The following ADAM11 variants were observed in gnomAD, a reference collection of about 807,000 sequenced individuals.
ADAM11 encodes ADAM metallopeptidase domain 11.
ADAM11 carries 49 observed loss-of-function variants against 119.1 expected under a neutral mutation model. The ratio of observed to expected loss-of-function variants is 0.41; its 90% CI spans 0.33 to 0.52. ADAM11 has a LOEUF of 0.52. ADAM11 is among the 20% of genes least tolerant of loss of function. The pLI is 0.20. For synonymous variants in ADAM11, 364 were observed against 408.0 expected (o/e 0.89, Z 1.30); for missense variants, 777 against 1,047.5 (o/e 0.74, Z 3.56).
chr17:44,776,663 G>C lies in ADAM11; in HGVS notation c.1567-82G>C. The C allele has an allele frequency of 3.9e-6, 6 of 1,526,226 alleles. No individual in the cohort carries two copies. The South Asian group carries it at 7.0e-5, about 18-fold the overall frequency. The allele number at this position is 1,526,226 out of a possible 1,614,324, so 94.5% of individuals were successfully genotyped here. ...CATGAGCCCCCAATGGGGGGCACTT[G>C]GTACCCCAGCATTCCTCCCTGGGGC... On this transcript the variant is annotated intron_variant, in intron 18 of 26. Transcript: ENST00000200557. The surrounding 1 kb of genome is among the most constrained non-coding windows in gnomAD (Gnocchi z 5.2).
In ADAM11 at chr17:44,772,590, G is replaced by A; in HGVS notation, c.678+124G>A. 1 of 1,279,552 alleles carries A rather than the reference G, an allele frequency of 7.8e-7. No individual in the cohort carries two copies. The highest frequency in any genetic ancestry group is 1.4e-5 in the South Asian group (1 of 69,798). The allele number at this position is 1,279,552 out of a possible 1,614,324, so 79.3% of individuals were successfully genotyped here. On this transcript the variant is annotated intron_variant, in intron 8 of 26. Coordinates refer to ENST00000200557, the MANE Select transcript of ADAM11 (RefSeq NM_002390.6). This position sits in a 1 kb window ranked among gnomAD's most constrained non-coding sequence, Gnocchi z 4.5. ...GGGGCGAAGGAAGGCTCAGATGGATGTGGCTGGGGGCCAGGGACCGTGTCT... is the reference window on the plus strand; with the variant it reads ...GGGGCGAAGGAAGGCTCAGATGGATATGGCTGGGGGCCAGGGACCGTGTCT...
At chr17:44,762,291 G>C (rs952626488) in intron 2 of ADAM11, among the ~76,000 whole-genome samples, 1 of 152,184 alleles carries the variant, frequency 6.6e-6, no homozygotes, top group Non-Finnish European at 1.5e-5. Context: ...TTGGGTCCAG[G>C]AGGCAGTCTC....
Position 44,772,142 on chromosome 17 carries a change from G to A in ADAM11, c.544-125G>A. The A allele has an allele frequency of 4.3e-6, 4 of 936,592 alleles. No individual in the cohort carries two copies. The South Asian group carries it at 4.9e-5, about 12-fold the overall frequency. The allele number at this position is 936,592 out of a possible 1,614,324, so 58.0% of individuals were successfully genotyped here. A position where few individuals can be genotyped will look rare whatever the true frequency, so the allele number is the denominator to read the frequency against. Reference sequence around the variant, plus strand: ...CATCTGGGAGATCAGATCCGACATGGGAGCTGTGGCCAGTTCTGGGTCACC... The same window carrying A: ...CATCTGGGAGATCAGATCCGACATGAGAGCTGTGGCCAGTTCTGGGTCACC... On this transcript the variant is annotated intron_variant, in intron 6 of 26. Transcript: ENST00000200557. This position sits in a 1 kb window ranked among gnomAD's most constrained non-coding sequence, Gnocchi z 4.5.
In ADAM11 at chr17:44,774,713, C is replaced by T. The variant is rs975618671; in HGVS notation, c.1184C>T (p.Pro395Leu). The change falls in exon 14 of 27, where the codon CCA (proline) becomes CTA (leucine). Residue 395 changes from proline to leucine, a missense_variant. This residue lies in a region of ADAM11 where 147 missense variants were observed against 223.3 expected (regional missense o/e 0.66). Coordinates refer to ENST00000200557, the MANE Select transcript of ADAM11 (RefSeq NM_002390.6). ...HRSSAGDCKC[P>L]DIWLGCIMED... Reference sequence around the variant, plus strand: ...CACCCCTCAGGGGACTGCAAGTGTCCAGACATCTGGCTGGGCTGCATCATG... The same window carrying T: ...CACCCCTCAGGGGACTGCAAGTGTCTAGACATCTGGCTGGGCTGCATCATG... 6.3e-6 allele frequency: 10 copies of T among 1,589,868 alleles called. No individual in the cohort carries two copies. The highest frequency in any genetic ancestry group is 1.4e-5 in the African/African-American group (1 of 73,380).
At chr17:44,759,920 G>A in intron 2 of ADAM11, 23 bp downstream of exon 2, 8 of 1,268,692 alleles carry the variant, frequency 6.3e-6, no homozygotes, top group Non-Finnish European at 7.0e-6. Context: ...GGGTGGTGAG[G>A]CCAGGGGCTG....
chr17:44,759,327 T>C, intron 1 of ADAM11, 67 bp downstream of exon 1: 1 of 1,329,770 alleles, frequency 7.5e-7, no homozygotes, highest in Non-Finnish European at 9.6e-7. Flanking sequence ...CGGCGCTTGC[T>C]GCTGCAGCCA....
At chr17:44,764,388 C>G (rs1052456464) in intron 2 of ADAM11, among the ~76,000 whole-genome samples, 1 of 152,216 alleles carries the variant, frequency 6.6e-6, no homozygotes, top group Admixed American at 6.5e-5. Context: ...CATGGTGCCA[C>G]AGGGGGGCCA....
rs769370337 is a variant in ADAM11 at position 44,777,515 on chromosome 17, C to T, written c.1815C>T (p.Asn605=). The change falls in exon 22 of 27, where the codon AAC becomes AAT. Residue 605 remains asparagine, a synonymous_variant. Transcript: ENST00000200557. The surrounding 1 kb of genome is among the most constrained non-coding windows in gnomAD (Gnocchi z 5.1). ...TGTGTGGCTTCCTCCTCTGTGTCAA[C>T]ATCTCTGGAGCTCCTCGGCTAGGGG... The part of the protein sequence containing the change: ...DVLCGFLLCV[N]ISGAPRLGDL... 6.2e-7 allele frequency: 1 copy of T among 1,614,210 alleles called. No individual in the cohort carries two copies. The highest frequency in any genetic ancestry group is 8.5e-7 in the Non-Finnish European group (1 of 1,180,030).
At chr17:44,779,029 G>A (rs1485195396) in intron 25 of ADAM11, among the ~76,000 whole-genome samples, 193 bp from the exon 26 acceptor site, 1 of 152,214 alleles carries the variant, frequency 6.6e-6, no homozygotes, top group Admixed American at 6.5e-5. Context: ...CAGAGTCAGA[G>A]CTGGAACCGG....
rs577812088 is a variant in ADAM11, at chr17:44,772,982, C to T, written c.754-32C>T. 5 of 1,613,946 alleles carry T rather than the reference C, an allele frequency of 3.1e-6. No individual in the cohort carries two copies. The South Asian group carries it at 5.5e-5, about 18-fold the overall frequency. On this transcript the variant is annotated intron_variant, in intron 9 of 26. Transcript: ENST00000200557. The surrounding 1 kb of genome is among the most constrained non-coding windows in gnomAD (Gnocchi z 4.5). ...GTGACACTGGGAGGCCCCTGAGGAGCCTGGCCCTCCTCCCATTCTTCTCTC... is the reference window on the plus strand; with the variant it reads ...GTGACACTGGGAGGCCCCTGAGGAGTCTGGCCCTCCTCCCATTCTTCTCTC...
Position 44,776,225 on chromosome 17 carries a change from G to T in ADAM11, c.1566+18G>T. 1 of 1,612,660 alleles carries T rather than the reference G, an allele frequency of 6.2e-7. No homozygotes were observed. Among genetic ancestry groups the T allele is most frequent in the Non-Finnish European group, 8.5e-7 (1 of 1,179,634 alleles). ...CTAGCCAGGTCCGCCCGGCCCCGCCGTCTTGTGGAGCCCTGGGCGAGGCAA... is the reference window on the plus strand; with the variant it reads ...CTAGCCAGGTCCGCCCGGCCCCGCCTTCTTGTGGAGCCCTGGGCGAGGCAA... On this transcript the variant is annotated intron_variant, in intron 18 of 26. Coordinates refer to ENST00000200557, the MANE Select transcript of ADAM11 (RefSeq NM_002390.6). This position sits in a 1 kb window ranked among gnomAD's most constrained non-coding sequence, Gnocchi z 5.2.
Position 44,780,144 on chromosome 17 carries a change from T to A in ADAM11, c.*390T>A, listed in dbSNP as rs937165528. The A allele has an allele frequency of 3.4e-6, 2 of 596,934 alleles. No homozygotes were observed. The highest frequency in any genetic ancestry group is 6.3e-6 in the Non-Finnish European group (2 of 316,882). The allele number at this position is 596,934 out of a possible 1,614,324, so 37.0% of individuals were successfully genotyped here. The stretch of plus-strand genomic sequence containing the variant: ...TGCAACCAGGCAGCTGAGACCAGGG[T>A]CTTACCTCTCTGGGACCTAGGGGGA... On this transcript the variant is annotated 3_prime_UTR_variant, in exon 27 of 27. Transcript: ENST00000200557.
intron 25 of ADAM11, among the ~76,000 whole-genome samples, 170 bp downstream of exon 25, chr17:44,778,412 C>T (rs1286521620): frequency 2.0e-5 from 3 of 152,110 alleles, no homozygotes; most frequent in Non-Finnish European, 4.4e-5. Context: ...AGATTTTAGG[C>T]TAGATGAGGT....
rs763177410 is a variant in ADAM11, at chr17:44,769,842, G to A, written c.314+48G>A. 2.5e-6 allele frequency: 4 copies of A among 1,598,250 alleles called. No homozygotes were observed. The South Asian group carries it at 4.4e-5, about 18-fold the overall frequency. Reference sequence around the variant, plus strand: ...GAGGAAGGGCAGTGGTGGGGCGGGGGAGACATGGCTAGGGCCTGGCTGCTG... The same window carrying A: ...GAGGAAGGGCAGTGGTGGGGCGGGGAAGACATGGCTAGGGCCTGGCTGCTG... On this transcript the variant is annotated intron_variant, in intron 3 of 26. Transcript: ENST00000200557.
Position 44,778,029 on chromosome 17 carries a change from C to T in ADAM11, c.2148C>T (p.Pro716=). 6.2e-7 allele frequency: 1 copy of T among 1,613,844 alleles called. No individual in the cohort carries two copies. ...ACTGCAGTATCCATAACCCCCTGCC[C>T]ACGTCCCCACCCACGGGGGAGACGG... The part of the protein sequence containing the change: ...GKDCSIHNPL[P]TSPPTGETER... Residue 716 remains proline, a synonymous_variant, in exon 24 of 27, where the codon CCC becomes CCT. Transcript: ENST00000200557.
At chr17:44,774,677 T>G in intron 13 of ADAM11, 21 bp from the exon 14 acceptor site, 1 of 1,591,312 alleles carries the variant, frequency 6.3e-7, no homozygotes, top group Non-Finnish European at 8.6e-7. Flanking sequence ...CTCCCTCATA[T>G]CCGCCTGGCT....
Position 44,772,600 on chromosome 17 carries a change from GC to G in ADAM11, c.678+136del. 8.2e-7 allele frequency: 1 copy of G among 1,225,498 alleles called. No homozygotes were observed. The highest frequency in any genetic ancestry group is 1.1e-6 in the Non-Finnish European group (1 of 882,222). The allele number at this position is 1,225,498 out of a possible 1,614,324, so 75.9% of individuals were successfully genotyped here. ...AAGGCTCAGATGGATGTGGCTGGGG[GC>G]CAGGGACCGTGTCTGGGAGAAGCCC... On this transcript the variant is annotated intron_variant, in intron 8 of 26. Coordinates refer to ENST00000200557, the MANE Select transcript of ADAM11 (RefSeq NM_002390.6). This position sits in a 1 kb window ranked among gnomAD's most constrained non-coding sequence, Gnocchi z 4.5.
In ADAM11 at chr17:44,772,770, C is replaced by A; in HGVS notation, c.679-87C>A. On this transcript the variant is annotated intron_variant, in intron 8 of 26. Coordinates refer to ENST00000200557, the MANE Select transcript of ADAM11 (RefSeq NM_002390.6). The surrounding 1 kb of genome is among the most constrained non-coding windows in gnomAD (Gnocchi z 4.5). ...GTCCCTGGCTGGAGTCCAGACCCCC[C>A]CATCCCCACCGAGTCTGTTCCTGGC... is the stretch of plus-strand genomic sequence containing the variant. The A allele has an allele frequency of 8.2e-7, 1 of 1,226,462 alleles. No homozygotes were observed. The highest frequency in any genetic ancestry group is 1.2e-6 in the Non-Finnish European group (1 of 846,682). 76.0% of individuals were successfully genotyped at this position (1,226,462 alleles called of 1,614,324 possible). A position where few individuals can be genotyped will look rare whatever the true frequency, so the allele number is the denominator to read the frequency against.
intron 2 of ADAM11, among the ~76,000 whole-genome samples, chr17:44,763,694 G>A (rs1176391006): frequency 6.6e-6 from 1 of 151,960 alleles, no homozygotes; most frequent in East Asian, 1.9e-4. Context: ...CATGCGTTCT[G>A]ACTTGCAGGG....
Sources: gnomAD v4.1 joint callset for allele counts (sites outside exome capture counted in the v4.1 genomes callset) on GRCh38, gnomAD v4.1.1 for gene constraint, gnomAD v4.1.1 regional missense constraint, Gnocchi (gnomAD v3.1) non-coding constraint, MANE v1.5 for transcripts, NCBI Gene and HGNC (gene_info 2026-07-23, HGNC 2026-07-21) for gene names.